The following PTPRT variants were observed in gnomAD, a reference collection of about 807,000 sequenced individuals.
PTPRT encodes receptor-type tyrosine-protein phosphatase T.
In PTPRT, 56 loss-of-function variants were observed where a neutral mutation model predicts 176.8. The ratio of observed to expected loss-of-function variants is 0.32; its 90% CI spans 0.26 to 0.40. The LOEUF is 0.40. PTPRT is among the 10% of genes least tolerant of loss of function. The pLI is 1.00. For synonymous variants in PTPRT, 783 were observed against 739.0 expected, an observed-to-expected ratio of 1.06 and a Z score of -0.96; for missense variants, 1,540 against 1,908.2, an observed-to-expected ratio of 0.81 and a Z score of 3.60.
At chr20:42,403,505 G>A (rs1364321480) in intron 9 of PTPRT, among the ~76,000 whole-genome samples, 1 of 152,112 alleles carries the variant, frequency 6.6e-6, no homozygotes, top group African/African-American at 2.4e-5. Context: ...TTGTGTGGAT[G>A]AGCTTTTTAA....
chr20:42,645,287 T>C (rs1226624481), intron 7 of PTPRT, among the ~76,000 whole-genome samples: 5 of 152,168 alleles, frequency 3.3e-5, no homozygotes, highest in Non-Finnish European at 5.9e-5. Context: ...CTGGGTCGTG[T>C]GGAAGAGTTA....
chr20:42,608,548 G>A (rs1001240756), intron 7 of PTPRT, among the ~76,000 whole-genome samples: 7 of 152,174 alleles, frequency 4.6e-5, no homozygotes, highest in Non-Finnish European at 1.0e-4. Flanking sequence ...CAGAGATGGC[G>A]TGCTTTTCTC....
At chr20:42,968,690 G>C (rs951040688) in intron 1 of PTPRT, 1 of 152,204 alleles carries the variant, frequency 6.6e-6, no homozygotes, top group Non-Finnish European at 1.5e-5. Flanking sequence ...ATGACCTGGT[G>C]AGGTAATGAG....
chr20:42,117,952 C>T (rs1987376259), intron 21 of PTPRT, among the ~76,000 whole-genome samples: 1 of 152,160 alleles, frequency 6.6e-6, no homozygotes, highest in Admixed American at 6.5e-5. Context: ...GATCCAGGCA[C>T]TATGCTTGCC....
At chr20:43,081,494 AC>A (rs2011441279) in intron 1 of PTPRT, among the ~76,000 whole-genome samples, 1 of 152,156 alleles carries the variant, frequency 6.6e-6, no homozygotes, top group South Asian at 2.1e-4. Context: ...TTTCATATGC[AC>A]CTTCTCTCTT....
intron 7 of PTPRT, among the ~76,000 whole-genome samples, chr20:42,559,556 G>A (rs1346600053): frequency 6.6e-6 from 1 of 152,134 alleles, no homozygotes; most frequent in African/African-American, 2.4e-5. Flanking sequence ...AGGAGGGACA[G>A]TAAGTGACCA....
intron 1 of PTPRT, among the ~76,000 whole-genome samples, chr20:43,183,567 C>T (rs2015318993): frequency 6.6e-6 from 1 of 152,240 alleles, no homozygotes; most frequent in African/African-American, 2.4e-5. Context: ...GGGTACTATT[C>T]TATACCTTTT....
At chr20:42,719,611 T>G (rs1217044950) in intron 6 of PTPRT, among the ~76,000 whole-genome samples, 1 of 152,206 alleles carries the variant, frequency 6.6e-6, no homozygotes, top group Non-Finnish European at 1.5e-5. Flanking sequence ...AAGAGTATTG[T>G]TAAAGGCTAT....
chr20:42,623,811 G>A (rs1466649140), intron 7 of PTPRT, among the ~76,000 whole-genome samples: 3 of 151,460 alleles, frequency 2.0e-5, no homozygotes, highest in Non-Finnish European at 4.4e-5. Flanking sequence ...CCCAGCCTTG[G>A]CTCTTCTCTC....
chr20:42,450,868 C>T (rs16986939), intron 8 of PTPRT, among the ~76,000 whole-genome samples: 33,793 of 152,066 alleles, frequency 0.22, 3,836 homozygotes, highest in Middle Eastern at 0.32. Context: ...ATACTCAAAA[C>T]TAATTCATTA....
chr20:42,613,521 A>G (rs2074010186), intron 7 of PTPRT, among the ~76,000 whole-genome samples: 2 of 152,240 alleles, frequency 1.3e-5, no homozygotes, highest in Non-Finnish European at 2.9e-5. Context: ...TCATATGTAA[A>G]TGTAAGTCAA....
intron 1 of PTPRT, among the ~76,000 whole-genome samples, chr20:42,984,416 C>G (rs773831525): frequency 2.0e-5 from 3 of 152,206 alleles, no homozygotes; most frequent in African/African-American, 7.2e-5. Flanking sequence ...ATTTCTGACA[C>G]AAATACAGCT....
intron 1 of PTPRT, among the ~76,000 whole-genome samples, chr20:43,074,248 A>G (rs535429765): frequency 6.6e-6 from 1 of 152,370 alleles, no homozygotes; most frequent in Middle Eastern, 3.4e-3. Flanking sequence ...ATCTGCCGAC[A>G]CACACTTATT....
In PTPRT at chr20:42,199,287, C is replaced by A. The variant is rs536150112; in HGVS notation, c.2444G>T (p.Arg815Leu). The change falls in exon 16 of 31, where the codon CGC becomes CTC. Residue 815 changes from arginine (R) to leucine (L), a missense_variant. Coordinates refer to ENST00000373187, the MANE Select transcript of PTPRT (RefSeq NM_007050.6). Reference protein sequence around the residue: ...DKPTTKLSASRNDEGFSSSSQ... With the variant: ...DKPTTKLSASLNDEGFSSSSQ... ...ACTAGAAGAGAAGCCTTCATCATTG[C>A]GGCTGGCGCTGAGCTTGGTGGTGGG... The A allele has an allele frequency of 7.1e-5, 115 of 1,614,016 alleles. No homozygotes were observed. Among genetic ancestry groups the A allele is most frequent in the Non-Finnish European group, 9.4e-5 (111 of 1,180,016 alleles).
chr20:42,805,385 A>G (rs920649043), intron 2 of PTPRT, among the ~76,000 whole-genome samples: 2 of 152,190 alleles, frequency 1.3e-5, no homozygotes, highest in Non-Finnish European at 2.9e-5. Context: ...TTGAAGCTAT[A>G]TCCAAATTCC....
rs1175942474 is a variant in PTPRT at position 42,365,347 on chromosome 20, T to C, written c.1561-13062A>G. On this transcript the variant is annotated intron_variant, in intron 9 of 30. Transcript: ENST00000373187. ...AAATGTATTTAGACTTTCTGTGTTGTACCCCTATGAATTTTAACTCTACAG... is the reference window on the plus strand; with the variant it reads ...AAATGTATTTAGACTTTCTGTGTTGCACCCCTATGAATTTTAACTCTACAG... 2.0e-5 allele frequency among the ~76,000 whole-genome samples: 3 copies of C among 152,216 alleles called. No individual in the cohort carries two copies. In the East Asian group the frequency reaches 5.8e-4, roughly 29 times the overall value.
intron 16 of PTPRT, among the ~76,000 whole-genome samples, chr20:42,184,614 T>TCTC (rs1555798026): frequency 7.0e-6 from 1 of 142,570 alleles, no homozygotes; most frequent in African/African-American, 2.8e-5. Context: ...TTCTTCTTCT[T>TCTC]CTCCTCCTTC....
At chr20:42,671,053 A>G (rs1418669826) in intron 7 of PTPRT, among the ~76,000 whole-genome samples, 1 of 152,142 alleles carries the variant, frequency 6.6e-6, no homozygotes, top group African/African-American at 2.4e-5. Flanking sequence ...AGCCATTGAA[A>G]GTGGTACCTG....
chr20:42,275,602 T>C (rs1274548804), intron 13 of PTPRT, among the ~76,000 whole-genome samples: 2 of 152,060 alleles, frequency 1.3e-5, no homozygotes, highest in Non-Finnish European at 2.9e-5. Flanking sequence ...CGGGGGAAGT[T>C]TGAGCACAAC....
Sources: gnomAD v4.1 joint callset for allele counts (sites outside exome capture counted in the v4.1 genomes callset) on GRCh38, gnomAD v4.1.1 for gene constraint, MANE v1.5 for transcripts, NCBI Gene and HGNC (gene_info 2026-07-23, HGNC 2026-07-21) for gene names.